CPNE1: variants seen among roughly 807,000 people sequenced by gnomAD.
The protein encoded by CPNE1 is copine-1.
CPNE1 carries 58 observed loss-of-function variants against 63.2 expected under a neutral mutation model. The observed-to-expected ratio is 0.92, with a 90% CI of 0.74 to 1.14. The LOEUF (loss-of-function observed/expected upper bound fraction) is 1.14. CPNE1 is among the 50% of genes most tolerant of loss of function. The probability of loss-of-function intolerance (pLI) is 0.00; values close to 1 mark genes in which losing one functional copy is unlikely to be tolerated. For synonymous variants in CPNE1, 237 were observed against 249.0 expected, an observed-to-expected ratio of 0.95 and a Z score of 0.45; for missense variants, 672 against 661.7, an observed-to-expected ratio of 1.02 and a Z score of -0.17.
At chr20:35,640,892 C>T (rs1246068093) in intron 1 of CPNE1, among the ~76,000 whole-genome samples, 3 of 152,182 alleles carry the variant, frequency 2.0e-5, no homozygotes, top group Non-Finnish European at 2.9e-5. Context: ...CAACACCAAA[C>T]ACCAATTTAT....
chr20:35,660,188 T>A (rs532864170), intron 1 of CPNE1, among the ~76,000 whole-genome samples: 1 of 152,292 alleles, frequency 6.6e-6, no homozygotes, highest in Non-Finnish European at 1.5e-5. Flanking sequence ...TTACATGTTG[T>A]AGAAATCTAG....
At chr20:35,663,623 T>TA (rs2034357520) in intron 1 of CPNE1, among the ~76,000 whole-genome samples, 1 of 152,156 alleles carries the variant, frequency 6.6e-6, no homozygotes, top group South Asian at 2.1e-4. Flanking sequence ...AGAAATCTCT[T>TA]AAAGTCTGCA....
At chr20:35,649,710 A>G (rs577562372) in intron 1 of CPNE1, 232 of 152,702 alleles carry the variant, frequency 1.5e-3, no homozygotes, top group Non-Finnish European at 2.6e-3. Context: ...TATGACATAC[A>G]TTTGTAGATT....
chr20:35,644,581 C>T (rs1416036779), intron 1 of CPNE1, among the ~76,000 whole-genome samples: 1 of 152,164 alleles, frequency 6.6e-6, no homozygotes. Context: ...AACACTGAGG[C>T]CAGAGGGAAA....
chr20:35,664,644 G>C (rs1161673984), intron 1 of CPNE1, 116 bp downstream of exon 1: 1 of 152,464 alleles, frequency 6.6e-6, no homozygotes, highest in Non-Finnish European at 1.5e-5. Flanking sequence ...TCGACCCTTT[G>C]TGTGGGGCGC....
At chr20:35,626,405 G>A in intron 15 of CPNE1, 24 bp from the exon 16 acceptor site, 3 of 1,612,938 alleles carry the variant, frequency 1.9e-6, no homozygotes, top group Non-Finnish European at 2.5e-6. Context: ...GGAAAAGTCA[G>A]TGGTGGCCCA....
intron 1 of CPNE1, chr20:35,658,982 C>T (rs1347546932): frequency 2.8e-6 from 2 of 717,168 alleles, no homozygotes; most frequent in South Asian, 3.0e-5. Context: ...CCAAGTCAAT[C>T]CTGTGGGCAA....
chr20:35,631,561 A>C lies in CPNE1; in HGVS notation c.645T>G (p.Tyr215Ter), dbSNP rs200788892. ...TGAGATCATGTGACCCGTCACTGTC[A>C]TAATCGGAGCATTGCACCTGAGGGA... ...STPIQVQCSD[Y>*]DSDGSHDLIG... Residue 215 changes from tyrosine to a stop codon, truncating the protein, a stop_gained, in exon 8 of 16, where the codon TAT becomes TAG. Coordinates refer to ENST00000397443, the MANE Select transcript of CPNE1 (RefSeq NM_152925.3). LOFTEE classifies it high-confidence loss of function. 6.6e-5 allele frequency: 106 copies of C among 1,614,056 alleles called. No individual in the cohort carries two copies. In the East Asian group the frequency reaches 1.9e-3, roughly 29 times the overall value.
At chr20:35,634,575 C>T (rs2032376958) in intron 1 of CPNE1, among the ~76,000 whole-genome samples, 1 of 151,982 alleles carries the variant, frequency 6.6e-6, no homozygotes, top group Non-Finnish European at 1.5e-5. Context: ...GCCTGGGCAA[C>T]AAAGCTAGAC....
intron 1 of CPNE1, among the ~76,000 whole-genome samples, chr20:35,661,126 T>C (rs2034210793): frequency 6.6e-6 from 1 of 152,170 alleles, no homozygotes; most frequent in Non-Finnish European, 1.5e-5. Flanking sequence ...CCCCACCCCA[T>C]ACCAAGGAAA....
intron 1 of CPNE1, among the ~76,000 whole-genome samples, chr20:35,647,016 T>A (rs1568926109): frequency 6.6e-6 from 1 of 150,504 alleles, no homozygotes. Flanking sequence ...ACATTTTAAT[T>A]AAAAAAAAAT....
chr20:35,660,184 G>A (rs1323388380), intron 1 of CPNE1, among the ~76,000 whole-genome samples: 2 of 152,134 alleles, frequency 1.3e-5, no homozygotes, highest in Non-Finnish European at 2.9e-5. Context: ...TCTTTTACAT[G>A]TTGTAGAAAT....
chr20:35,648,760 T>C (rs1419951621), intron 1 of CPNE1, among the ~76,000 whole-genome samples: 2 of 152,156 alleles, frequency 1.3e-5, no homozygotes, highest in Non-Finnish European at 2.9e-5. Context: ...AAGTATCCTC[T>C]TCTCTTGACA....
At chr20:35,640,535 T>G (rs145654195) in intron 1 of CPNE1, among the ~76,000 whole-genome samples, 1 of 152,336 alleles carries the variant, frequency 6.6e-6, no homozygotes, top group East Asian at 1.9e-4. Flanking sequence ...TCTAACAGTC[T>G]AACTGGTTTT....
At chr20:35,641,080 T>C (rs558276488) in intron 1 of CPNE1, among the ~76,000 whole-genome samples, 1 of 152,314 alleles carries the variant, frequency 6.6e-6, no homozygotes, top group East Asian at 1.9e-4. Context: ...CAATGTGCCC[T>C]AGCAGGGCAC....
chr20:35,640,006 ACT>A (rs1281017664), intron 1 of CPNE1, among the ~76,000 whole-genome samples: 1 of 151,930 alleles, frequency 6.6e-6, no homozygotes, highest in African/African-American at 2.4e-5. Flanking sequence ...AAGGGGCTGA[ACT>A]CTCACTGATG....
intron 1 of CPNE1, among the ~76,000 whole-genome samples, chr20:35,661,342 T>G (rs769870524): frequency 6.6e-6 from 1 of 152,252 alleles, no homozygotes; most frequent in Non-Finnish European, 1.5e-5. Context: ...AGCGACTGAA[T>G]GCAGGATTTC....
chr20:35,643,749 AAAGT>A (rs373063849), intron 1 of CPNE1, among the ~76,000 whole-genome samples: 7 of 152,018 alleles, frequency 4.6e-5, no homozygotes, highest in African/African-American at 9.7e-5. Flanking sequence ...AAAAAACAAC[AAAGT>A]AAGTTCAGGT....
chr20:35,643,187 C>G (rs1195184943), intron 1 of CPNE1: 3 of 161,550 alleles, frequency 1.9e-5, no homozygotes, highest in African/African-American at 7.2e-5. Flanking sequence ...CATTGATCAC[C>G]AGGGTTGATT....
Sources: allele counts gnomAD v4.1 joint callset (sites outside exome capture counted in the v4.1 genomes callset), GRCh38; gene constraint gnomAD v4.1.1; transcripts MANE v1.5; gene names NCBI Gene and HGNC (gene_info 2026-07-23, HGNC 2026-07-21).